The following DLC1 variants were observed in gnomAD, a reference collection of about 807,000 sequenced individuals.
The protein encoded by DLC1 is rho GTPase-activating protein 7.
Under a neutral mutation model 140.3 loss-of-function variants are expected in DLC1, and 54 were observed. The ratio of observed to expected loss-of-function variants is 0.38; its 90% CI spans 0.31 to 0.48. The LOEUF (loss-of-function observed/expected upper bound fraction) is 0.48. Among genes scored for constraint, DLC1 ranks in the 20% least tolerant of loss-of-function variants. The probability of loss-of-function intolerance (pLI) is 0.96; values close to 1 mark genes in which losing one functional copy is unlikely to be tolerated. For synonymous variants in DLC1, 986 were observed against 728.1 expected (o/e 1.35, Z -5.70); for missense variants, 2,536 against 1,907.0 (o/e 1.33, Z -6.14).
chr8:13,581,628 C>T (rs1448364154), intron 1 of DLC1, among the ~76,000 whole-genome samples: 11 of 152,194 alleles, frequency 7.2e-5, no homozygotes, highest in Non-Finnish European at 1.6e-4. Context: ...ACATGTCTAA[C>T]TGGTTTTCCT....
Position 13,393,543 on chromosome 8 carries a change from T to C in DLC1, c.1314+10A>G, listed in dbSNP as rs923274658. On this transcript the variant is annotated intron_variant, in intron 4 of 17. Transcript: ENST00000276297. ...CACGTAGAGACTCTCTGTTATTATT[T>C]AGAACTCACCGTAGTCTTGGGTTTG... 3 of 1,612,640 alleles carry C rather than the reference T, an allele frequency of 1.9e-6. No homozygotes were observed. Among genetic ancestry groups the C allele is most frequent in the African/African-American group, 1.3e-5 (1 of 74,892 alleles).
At chr8:13,108,372 A>C (rs907284699) in intron 7 of DLC1, among the ~76,000 whole-genome samples, 5 of 152,220 alleles carry the variant, frequency 3.3e-5, no homozygotes, top group African/African-American at 1.2e-4. Context: ...TATTCTATGC[A>C]GGAGAGAAAA....
intron 5 of DLC1, among the ~76,000 whole-genome samples, chr8:13,232,367 C>T (rs1219297590): frequency 6.6e-6 from 1 of 151,910 alleles, no homozygotes; most frequent in Non-Finnish European, 1.5e-5. Context: ...AGAATCTTGC[C>T]CTGTCACCCA....
At chr8:13,102,549 G>A (rs143675648) in intron 8 of DLC1, among the ~76,000 whole-genome samples, 2 of 152,172 alleles carry the variant, frequency 1.3e-5, no homozygotes, top group African/African-American at 4.8e-5. Flanking sequence ...TAGTAATTAG[G>A]CAAAATAATA....
chr8:13,446,768 C>T (rs1322804818), intron 2 of DLC1, among the ~76,000 whole-genome samples: 2 of 152,102 alleles, frequency 1.3e-5, no homozygotes, highest in African/African-American at 2.4e-5. Flanking sequence ...TGGTGAAACC[C>T]TGTCTCTATT....
chr8:13,105,592 C>CTT (rs1270510962), intron 7 of DLC1, among the ~76,000 whole-genome samples: 7 of 141,008 alleles, frequency 5.0e-5, no homozygotes, highest in Admixed American at 7.1e-5. Flanking sequence ...TCTTTTTCTT[C>CTT]TTTTTTTTTT....
intron 5 of DLC1, among the ~76,000 whole-genome samples, chr8:13,121,343 T>C (rs1164485734): frequency 1.3e-5 from 2 of 152,294 alleles, no homozygotes; most frequent in Middle Eastern, 3.4e-3. Flanking sequence ...TTATCAATTC[T>C]GATGACATCA....
chr8:13,490,338 G>A (rs1313788496), intron 2 of DLC1, among the ~76,000 whole-genome samples: 1 of 152,126 alleles, frequency 6.6e-6, no homozygotes, highest in Non-Finnish European at 1.5e-5. Context: ...ATTTCTCCCA[G>A]TTACTTATAT....
intron 4 of DLC1, among the ~76,000 whole-genome samples, chr8:13,382,311 T>C (rs1364149595): frequency 6.6e-6 from 1 of 151,128 alleles, no homozygotes; most frequent in Non-Finnish European, 1.5e-5. Flanking sequence ...ATCGAGACCA[T>C]CCTGGCTAAC....
At chr8:13,600,862 A>G (rs1042754310) in intron 1 of DLC1, among the ~76,000 whole-genome samples, 2 of 151,852 alleles carry the variant, frequency 1.3e-5, no homozygotes, top group South Asian at 4.1e-4. Context: ...ATATTTGCCT[A>G]TTGGTAATGT....
chr8:13,554,719 C>G (rs910520904), intron 1 of DLC1, among the ~76,000 whole-genome samples: 16 of 152,300 alleles, frequency 1.1e-4, no homozygotes, highest in Non-Finnish European at 1.9e-4. Flanking sequence ...GTTCAAGAAC[C>G]TGATCTCTTG....
intron 5 of DLC1, among the ~76,000 whole-genome samples, chr8:13,178,430 C>T (rs765559276): frequency 2.6e-5 from 4 of 151,898 alleles, no homozygotes; most frequent in African/African-American, 9.7e-5. Flanking sequence ...GGCGTGGTGG[C>T]GGGCGCCTGT....
At chr8:13,576,247 G>A (rs962072216) in intron 1 of DLC1, among the ~76,000 whole-genome samples, 2 of 152,128 alleles carry the variant, frequency 1.3e-5, no homozygotes, top group African/African-American at 2.4e-5. Flanking sequence ...GGGATTCCCA[G>A]GTAGTTAAGG....
chr8:13,584,564 A>G (rs1372237585), intron 1 of DLC1: 4 of 152,202 alleles, frequency 2.6e-5, no homozygotes, highest in Non-Finnish European at 4.4e-5. Flanking sequence ...ACCGGGCACA[A>G]TAAAAACACA....
chr8:13,372,255 G>A (rs756732551), intron 4 of DLC1, among the ~76,000 whole-genome samples: 6 of 152,100 alleles, frequency 3.9e-5, no homozygotes, highest in Non-Finnish European at 7.4e-5. Context: ...TATTCTAAAA[G>A]TCTCAGAAAA....
Position 13,083,507 on chromosome 8 carries a change from G to C in DLC1, c.*2304C>G, listed in dbSNP as rs998415514. The C allele has an allele frequency of 6.6e-6, 1 of 152,216 alleles. No individual in the cohort carries two copies. Among genetic ancestry groups the C allele is most frequent in the African/African-American group, 2.4e-5 (1 of 41,448 alleles). The allele number at this position is 152,216 out of a possible 1,614,324, so 9.4% of individuals were successfully genotyped here. A position where few individuals can be genotyped will look rare whatever the true frequency, so the allele number is the denominator to read the frequency against. ...GCAATTAGTCACACAAATAAGTTGT[G>C]ATGGCGCTCTAAGTGACCTCAGCAG... On this transcript the variant is annotated 3_prime_UTR_variant, in exon 18 of 18. Coordinates refer to ENST00000276297, the MANE Select transcript of DLC1 (RefSeq NM_182643.3).
intron 2 of DLC1, among the ~76,000 whole-genome samples, chr8:13,440,184 T>C (rs980502729): frequency 1.3e-5 from 2 of 152,206 alleles, no homozygotes; most frequent in South Asian, 2.1e-4. Context: ...ATTTCGATCA[T>C]AGAAGCCTGT....
chr8:13,100,066 G>A lies in DLC1; in HGVS notation c.2271C>T (p.Ser757=). The change falls in exon 9 of 18, where the codon AGC becomes AGT. Residue 757 remains serine, a synonymous_variant. Coordinates refer to ENST00000276297, the MANE Select transcript of DLC1 (RefSeq NM_182643.3). ...TGAGGCTCCGGGTCCTCGTAACAGG[G>A]CTGGGCGTGCTGACCGCGCTGCTGG... The part of the protein sequence containing the change: ...SETSSAVSTP[S]PVTRTRSLSA... 1 of 1,613,318 alleles carries A rather than the reference G, an allele frequency of 6.2e-7. No homozygotes were observed. Among genetic ancestry groups the A allele is most frequent in the Non-Finnish European group, 8.5e-7 (1 of 1,180,040 alleles).
chr8:13,393,048 A>G (rs1836836775), intron 4 of DLC1, among the ~76,000 whole-genome samples: 2 of 152,112 alleles, frequency 1.3e-5, no homozygotes, highest in African/African-American at 4.8e-5. Context: ...CAATCTAAAT[A>G]TATTTATATA....
Sources: allele counts gnomAD v4.1 joint callset (sites outside exome capture counted in the v4.1 genomes callset), GRCh38; gene constraint gnomAD v4.1.1; transcripts MANE v1.5; gene names NCBI Gene and HGNC (gene_info 2026-07-23, HGNC 2026-07-21).